Variants in RUNX2 observed in about 807,000 individuals in gnomAD.
RUNX2 encodes RUNX family transcription factor 2, also known as runt-related transcription factor 2.
In RUNX2, 10 loss-of-function variants were observed where a neutral mutation model predicts 51.7. That is an observed-to-expected ratio of 0.19 (90% confidence interval 0.12 to 0.33). The LOEUF is 0.33. RUNX2 is among the 10% of genes least tolerant of loss of function. The pLI, the probability that RUNX2 is intolerant of heterozygous loss-of-function variation, is 1.00. For missense variants in RUNX2, 562 were observed against 691.3 expected (o/e 0.81, Z 2.10); for synonymous variants, 276 against 273.6 (o/e 1.01, Z -0.09).
intron 7 of RUNX2, among the ~76,000 whole-genome samples, chr6:45,534,822 A>G (rs1801980918): frequency 6.6e-6 from 1 of 152,208 alleles, no homozygotes; most frequent in Non-Finnish European, 1.5e-5. Flanking sequence ...TACTTTTTGT[A>G]TGTAACTGTG....
At chr6:45,402,507 A>T (rs1163236497) in intron 2 of RUNX2, among the ~76,000 whole-genome samples, 1 of 152,228 alleles carries the variant, frequency 6.6e-6, no homozygotes, top group Non-Finnish European at 1.5e-5. Context: ...AGAGCTTCCT[A>T]TAACATGCCA....
chr6:45,516,862 T>G lies in RUNX2; in HGVS notation c.1021+4455T>G, dbSNP rs145116073. ...GACTTTCAAAATGTATTTTATACAA[T>G]TATCCTACTATGGAAAGAAGCACAA... On this transcript the variant is annotated intron_variant, in intron 7 of 8. Transcript: ENST00000647337. Among the ~76,000 whole-genome samples, 61 of 152,366 alleles carry G rather than the reference T, an allele frequency of 4.0e-4. 1 individual carries two copies. The East Asian group carries it at 0.012, about 29-fold the overall frequency.
intron 2 of RUNX2, among the ~76,000 whole-genome samples, chr6:45,370,860 T>C (rs1795943727): frequency 6.6e-6 from 1 of 152,090 alleles, no homozygotes; most frequent in Non-Finnish European, 1.5e-5. Context: ...TAGTCTCACA[T>C]TAAGTTTCTA....
At chr6:45,435,130 C>G (rs1308527504) in intron 4 of RUNX2, among the ~76,000 whole-genome samples, 1 of 152,094 alleles carries the variant, frequency 6.6e-6, no homozygotes, top group Non-Finnish European at 1.5e-5. Context: ...TCCCCCAAAC[C>G]CATCTCTTTT....
intron 2 of RUNX2, among the ~76,000 whole-genome samples, chr6:45,382,948 AAGAG>A (rs1183803959): frequency 6.6e-6 from 1 of 152,184 alleles, no homozygotes; most frequent in Admixed American, 6.5e-5. Flanking sequence ...GTTCTAGAGA[AAGAG>A]AGGAATGAAG....
chr6:45,543,384 A>G (rs1802291451), intron 7 of RUNX2, among the ~76,000 whole-genome samples: 1 of 152,210 alleles, frequency 6.6e-6, no homozygotes, highest in African/African-American at 2.4e-5. Flanking sequence ...CAGCAAAAAG[A>G]ATGGACTTGT....
At chr6:45,434,039 G>A (rs1798614982) in intron 4 of RUNX2, among the ~76,000 whole-genome samples, 1 of 152,124 alleles carries the variant, frequency 6.6e-6, no homozygotes, top group Admixed American at 6.5e-5. Flanking sequence ...AGACTTAGAT[G>A]GGGGGTAGGG....
At chr6:45,497,172 C>G (rs990101581) in intron 6 of RUNX2, among the ~76,000 whole-genome samples, 1 of 152,210 alleles carries the variant, frequency 6.6e-6, no homozygotes, top group African/African-American at 2.4e-5. Flanking sequence ...TCTCATGATT[C>G]TTCCTAGGTT....
intron 7 of RUNX2, among the ~76,000 whole-genome samples, chr6:45,520,483 T>C (rs1801471785): frequency 6.6e-6 from 1 of 152,190 alleles, no homozygotes; most frequent in Non-Finnish European, 1.5e-5. Flanking sequence ...CCCAAAATAT[T>C]TGACTCTCCT....
chr6:45,402,703 C>CA (rs1797739278), intron 2 of RUNX2, among the ~76,000 whole-genome samples: 1 of 152,012 alleles, frequency 6.6e-6, no homozygotes, highest in Admixed American at 6.6e-5. Context: ...TCTGTTTCTA[C>CA]AAAAAATAAA....
chr6:45,516,226 A>G (rs1211200620), intron 7 of RUNX2, among the ~76,000 whole-genome samples: 2 of 152,242 alleles, frequency 1.3e-5, no homozygotes, highest in East Asian at 1.9e-4. Flanking sequence ...GCAGAGAAAG[A>G]TATAATACTA....
At chr6:45,328,607 C>T in intron 1 of RUNX2, 54 bp from the exon 2 acceptor site, 1 of 1,606,086 alleles carries the variant, frequency 6.2e-7, no homozygotes, top group Non-Finnish European at 8.5e-7. Context: ...AGTCTATGTA[C>T]TCCAGGCATA....
At chr6:45,530,788 G>A (rs1379156771) in intron 7 of RUNX2, among the ~76,000 whole-genome samples, 2 of 152,208 alleles carry the variant, frequency 1.3e-5, no homozygotes, top group Non-Finnish European at 2.9e-5. Context: ...GCTCTTTTCT[G>A]ATGGCGGAAA....
chr6:45,376,706 A>C (rs1468513909), intron 2 of RUNX2, among the ~76,000 whole-genome samples: 2 of 152,240 alleles, frequency 1.3e-5, no homozygotes, highest in Non-Finnish European at 2.9e-5. Flanking sequence ...TGTTTCTCAT[A>C]GGCAAATTCA....
In RUNX2 at chr6:45,374,977, C is replaced by T. The variant is rs546121320; in HGVS notation, c.58+46193C>T. 7.2e-5 allele frequency among the ~76,000 whole-genome samples: 11 copies of T among 152,248 alleles called. No individual in the cohort carries two copies. In the East Asian group the frequency reaches 1.7e-3, roughly 24 times the overall value. On this transcript the variant is annotated intron_variant, in intron 2 of 8. Transcript: ENST00000647337. ...ATCCCAGAACTTTGGGAGGCTGAGG[C>T]GGGTGGAGCACTTGAGATCAAGAGT...
chr6:45,329,666 A>G (rs1331718055), intron 2 of RUNX2, among the ~76,000 whole-genome samples: 1 of 151,976 alleles, frequency 6.6e-6, no homozygotes, highest in African/African-American at 2.4e-5. Context: ...GATACCCTGT[A>G]TGATTTTTAA....
chr6:45,496,195 C>T (rs577042551), intron 6 of RUNX2, among the ~76,000 whole-genome samples: 2 of 152,210 alleles, frequency 1.3e-5, no homozygotes, highest in Non-Finnish European at 1.5e-5. Context: ...ACTCATTATC[C>T]TCTAGATGGG....
rs753308506 is a variant in RUNX2, at chr6:45,548,498, C to A, written c.*1193C>A. ...TCTAACACAGCTTTGCCTTCTAAAG[C>A]GGTAATTAGGGATTTAAAAAACAAC... is the stretch of plus-strand genomic sequence containing the variant. On this transcript the variant is annotated 3_prime_UTR_variant, in exon 9 of 9. Coordinates refer to ENST00000647337, the MANE Select transcript of RUNX2 (RefSeq NM_001024630.4). 1 of 152,582 alleles carries A rather than the reference C, an allele frequency of 6.6e-6. No individual in the cohort carries two copies. Among genetic ancestry groups the A allele is most frequent in the African/African-American group, 2.4e-5 (1 of 41,432 alleles). 9.5% of individuals were successfully genotyped at this position (152,582 alleles called of 1,614,324 possible). A position where few individuals can be genotyped will look rare whatever the true frequency, so the allele number is the denominator to read the frequency against.
intron 2 of RUNX2, among the ~76,000 whole-genome samples, chr6:45,352,968 T>C (rs1792375961): frequency 1.3e-5 from 2 of 152,104 alleles, no homozygotes; most frequent in Admixed American, 1.3e-4. Flanking sequence ...GGCTGATTTT[T>C]ACATACTGCA....
Sources: allele counts gnomAD v4.1 joint callset (sites outside exome capture counted in the v4.1 genomes callset), GRCh38; gene constraint gnomAD v4.1.1; transcripts MANE v1.5; gene names NCBI Gene and HGNC (gene_info 2026-07-23, HGNC 2026-07-21).